Variants in CD28 observed in about 807,000 individuals in gnomAD.
CD28 encodes the protein CD28 molecule.
CD28 carries 8 observed loss-of-function variants against 21.4 expected under a neutral mutation model. The ratio of observed to expected loss-of-function variants is 0.37; its 90% CI spans 0.22 to 0.68. The LOEUF (loss-of-function observed/expected upper bound fraction) is 0.68. Ranked by LOEUF, CD28 falls within the 30% of genes least tolerant of loss-of-function variation. The probability of loss-of-function intolerance (pLI) is 0.55; values close to 1 mark genes in which losing one functional copy is unlikely to be tolerated. For synonymous variants in CD28, 106 were observed against 104.0 expected (o/e 1.02, Z -0.12); for missense variants, 239 against 272.2 (o/e 0.88, Z 0.86).
At chr2:203,723,044 A>G (rs1343008087) in intron 1 of CD28, among the ~76,000 whole-genome samples, 1 of 152,192 alleles carries the variant, frequency 6.6e-6, no homozygotes, top group Non-Finnish European at 1.5e-5. Flanking sequence ...TTCTGATTTA[A>G]TTGGCCTTGG....
At chr2:203,730,935 A>G (rs902495266) in intron 3 of CD28, among the ~76,000 whole-genome samples, 1 of 152,212 alleles carries the variant, frequency 6.6e-6, no homozygotes, top group Non-Finnish European at 1.5e-5. Context: ...ATCCACAGCC[A>G]TGCCTTCCTA....
chr2:203,727,334 A>G (rs1232639734), intron 2 of CD28, among the ~76,000 whole-genome samples: 1 of 152,126 alleles, frequency 6.6e-6, no homozygotes, highest in African/African-American at 2.4e-5. Context: ...GCTGGGTCTA[A>G]TGGGTTAAGA....
chr2:203,725,805 T>C (rs1693730266), intron 1 of CD28, among the ~76,000 whole-genome samples: 1 of 152,238 alleles, frequency 6.6e-6, no homozygotes, highest in Non-Finnish European at 1.5e-5. Context: ...TCTTGGGTTA[T>C]ATTTTTTCTT....
chr2:203,719,745 A>C (rs899670041), intron 1 of CD28, among the ~76,000 whole-genome samples: 1 of 152,204 alleles, frequency 6.6e-6, no homozygotes, highest in African/African-American at 2.4e-5. Context: ...AGCATTTTAT[A>C]GCCCTGTGAA....
At chr2:203,727,465 C>CCTTTT (rs1165710958) in intron 2 of CD28, among the ~76,000 whole-genome samples, 98 of 150,020 alleles carry the variant, frequency 6.5e-4, no homozygotes, top group Non-Finnish European at 1.1e-3. Flanking sequence ...TTCCTTCCTT[C>CCTTTT]CTTTTCTTTT....
chr2:203,724,939 A>T (rs1167839903), intron 1 of CD28, among the ~76,000 whole-genome samples: 1 of 152,220 alleles, frequency 6.6e-6, no homozygotes, highest in Non-Finnish European at 1.5e-5. Flanking sequence ...GAGCAAAAAA[A>T]TGCTTTTGTT....
At chr2:203,719,819 C>T (rs563899715) in intron 1 of CD28, among the ~76,000 whole-genome samples, 3 of 152,206 alleles carry the variant, frequency 2.0e-5, no homozygotes, top group African/African-American at 7.2e-5. Flanking sequence ...GCTTCATTTT[C>T]TTTGGAAATC....
chr2:203,727,674 T>G (rs903737501), intron 2 of CD28, among the ~76,000 whole-genome samples: 1 of 99,304 alleles, frequency 1.0e-5, no homozygotes, highest in Non-Finnish European at 2.0e-5. Flanking sequence ...ATTTATTTAT[T>G]TTAATTAATT....
Position 203,706,727 on chromosome 2 carries a change from T to C in CD28, c.31T>C (p.Phe11Leu). ...CAGGCTGCTCTTGGCTCTCAACTTA[T>C]TCCCTTCAATTCAAGTAACAGGTAA... MLRLLLALNLFPSIQVTGNKI... is the reference protein window; with the variant it reads MLRLLLALNLLPSIQVTGNKI... The change falls in exon 1 of 4, where the codon TTC becomes CTC. Residue 11 changes from phenylalanine to leucine, a missense_variant. Around this residue, in one of 3 missense-constraint regions of CD28, gnomAD observed 104 missense variants for 108.5 expected, o/e 0.96. Coordinates refer to ENST00000324106, the MANE Select transcript of CD28 (RefSeq NM_006139.4). 6.2e-7 allele frequency: 1 copy of C among 1,613,542 alleles called. No individual in the cohort carries two copies. Among genetic ancestry groups the C allele is most frequent in the Non-Finnish European group, 8.5e-7 (1 of 1,179,458 alleles).
At chr2:203,732,749 A>T (rs141110861) in intron 3 of CD28, among the ~76,000 whole-genome samples, 1 of 152,298 alleles carries the variant, frequency 6.6e-6, no homozygotes, top group Non-Finnish European at 1.5e-5. Context: ...CTCAATGCAC[A>T]TGGGTGCTGT....
intron 3 of CD28, among the ~76,000 whole-genome samples, chr2:203,730,346 C>T (rs1008589008): frequency 2.6e-5 from 4 of 152,178 alleles, no homozygotes; most frequent in African/African-American, 9.7e-5. Flanking sequence ...TTTCTGAGCT[C>T]TCACCACTGA....
Position 203,726,857 on chromosome 2 carries a change from G to C in CD28, c.277G>C (p.Glu93Gln). The change falls in exon 2 of 4, where the codon GAA (glutamate) becomes CAA (glutamine). Residue 93 changes from glutamate to glutamine, a missense_variant. Glu to Gln is a conservative substitution (Grantham distance 29). Coordinates refer to ENST00000324106, the MANE Select transcript of CD28 (RefSeq NM_006139.4). ...CAACTGTGATGGGAAATTGGGCAAT[G>C]AATCAGTGACATTCTACCTCCAGAA... Reference protein sequence around the residue: ...GFNCDGKLGNESVTFYLQNLY... With the variant: ...GFNCDGKLGNQSVTFYLQNLY... 6.2e-7 allele frequency: 1 copy of C among 1,614,098 alleles called. No individual in the cohort carries two copies. The highest frequency in any genetic ancestry group is 8.5e-7 in the Non-Finnish European group (1 of 1,179,972).
Position 203,734,687 on chromosome 2 carries a change from G to A in CD28, c.535-97G>A, listed in dbSNP as rs1470146495. Reference sequence around the variant, plus strand: ...AAAAGGTTAGTGTTTTAGTGTCTCTGTCATTTGACAGTTAATATTATGAAT... The same window carrying A: ...AAAAGGTTAGTGTTTTAGTGTCTCTATCATTTGACAGTTAATATTATGAAT... On this transcript the variant is annotated intron_variant, in intron 3 of 3. Coordinates refer to ENST00000324106, the MANE Select transcript of CD28 (RefSeq NM_006139.4). The A allele has an allele frequency of 1.3e-5, 19 of 1,465,696 alleles. No homozygotes were observed. In the East Asian group the frequency reaches 3.9e-4, roughly 30 times the overall value. 90.8% of individuals were successfully genotyped at this position (1,465,696 alleles called of 1,614,324 possible).
intron 1 of CD28, among the ~76,000 whole-genome samples, chr2:203,707,895 C>G (rs1693202774): frequency 6.6e-6 from 1 of 152,182 alleles, no homozygotes; most frequent in African/African-American, 2.4e-5. Context: ...ATCACAAGCA[C>G]AATTCCTAAC....
At chr2:203,729,828 C>T in intron 3 of CD28, 56 bp downstream of exon 3, 3 of 1,571,486 alleles carry the variant, frequency 1.9e-6, no homozygotes, top group Non-Finnish European at 8.7e-7. Flanking sequence ...GAAATCTGAA[C>T]ACATTCAAGA....
intron 3 of CD28, among the ~76,000 whole-genome samples, chr2:203,731,583 A>G (rs887181477): frequency 7.2e-5 from 11 of 152,346 alleles, no homozygotes; most frequent in African/African-American, 2.6e-4. Context: ...CAATGGCCAG[A>G]GGACACTGCT....
At position 203,707,178 on chromosome 2, in the gene CD28, CTTTCTTTT is replaced by C. The variant is rs1693180221; in HGVS notation, c.52+434_52+441del. On this transcript the variant is annotated intron_variant, in intron 1 of 3. Coordinates refer to ENST00000324106, the MANE Select transcript of CD28 (RefSeq NM_006139.4). ...TAATTTATGTATCGTTTCTTTCTTT[CTTTCTTTT>C]TTTTTTTAATTTAAGAAAGCTGCTG... 2.6e-5 allele frequency among the ~76,000 whole-genome samples: 4 copies of C among 151,818 alleles called. No individual in the cohort carries two copies. In the South Asian group the frequency reaches 8.4e-4, roughly 32 times the overall value.
intron 2 of CD28, among the ~76,000 whole-genome samples, chr2:203,728,478 A>G (rs1329754195): frequency 1.3e-5 from 2 of 152,224 alleles, no homozygotes; most frequent in South Asian, 2.1e-4. Context: ...GAATCCTAGC[A>G]TAATGCCAAT....
At position 203,736,108 on chromosome 2, in the gene CD28, G is replaced by A. The variant is rs1170446902; in HGVS notation, c.*1196G>A. On this transcript the variant is annotated 3_prime_UTR_variant, in exon 4 of 4. Transcript: ENST00000324106. Reference sequence around the variant, plus strand: ...CAGTTCATTCCAATCAGACCAGGTAGGAGCTTTCCTGTTTCATATGTTTCA... The same window carrying A: ...CAGTTCATTCCAATCAGACCAGGTAAGAGCTTTCCTGTTTCATATGTTTCA... The A allele has an allele frequency of 6.6e-6, 1 of 152,666 alleles. No individual in the cohort carries two copies. Among genetic ancestry groups the A allele is most frequent in the Non-Finnish European group, 1.5e-5 (1 of 68,078 alleles). 9.5% of individuals were successfully genotyped at this position (152,666 alleles called of 1,614,324 possible). A position where few individuals can be genotyped will look rare whatever the true frequency, so the allele number is the denominator to read the frequency against.
Sources: gnomAD v4.1 joint callset for allele counts (sites outside exome capture counted in the v4.1 genomes callset) on GRCh38, gnomAD v4.1.1 for gene constraint, gnomAD v4.1.1 regional missense constraint, MANE v1.5 for transcripts, NCBI Gene and HGNC (gene_info 2026-07-23, HGNC 2026-07-21) for gene names.